The following CBLN2 variants were observed in gnomAD, a reference collection of about 807,000 sequenced individuals.
CBLN2 encodes cerebellin-2.
CBLN2 carries 7 observed loss-of-function variants against 15.0 expected under a neutral mutation model. The ratio of observed to expected loss-of-function variants is 0.47; its 90% CI spans 0.27 to 0.88. The LOEUF (loss-of-function observed/expected upper bound fraction) is 0.88. Ranked by LOEUF, CBLN2 falls within the 40% of genes least tolerant of loss-of-function variation. The pLI is 0.14. For missense variants in CBLN2, 242 were observed against 304.5 expected, an observed-to-expected ratio of 0.79 and a Z score of 1.53; for synonymous variants, 149 against 135.2, an observed-to-expected ratio of 1.10 and a Z score of -0.71.
intron 1 of CBLN2, chr18:72,618,166 T>C (rs1371772193): frequency 1.7e-5 from 3 of 172,534 alleles, no homozygotes; most frequent in Non-Finnish European, 3.7e-5. Context: ...AAACAGGCTA[T>C]AAAAGTTTCC....
rs2069121479 is a variant in CBLN2 at position 72,542,264 on chromosome 18, C to T, written c.-104G>A. The T allele has an allele frequency of 2.9e-6, 2 of 682,986 alleles. No individual in the cohort carries two copies. The highest frequency in any genetic ancestry group is 3.9e-6 in the Non-Finnish European group (2 of 514,912). 42.3% of individuals were successfully genotyped at this position (682,986 alleles called of 1,614,324 possible). ...CGGAGCTCGCAGCAGCCTCCGGGGG[C>T]CTTCGTCCCCGGCTCTGACGTTCAA... On this transcript the variant is annotated 5_prime_UTR_variant, in exon 3 of 5. Transcript: ENST00000269503.
intron 1 of CBLN2, among the ~76,000 whole-genome samples, chr18:72,602,195 A>G (rs1191258804): frequency 6.6e-6 from 1 of 152,140 alleles, no homozygotes; most frequent in Admixed American, 6.5e-5. Flanking sequence ...TTCTTGTGGA[A>G]ACACTATTCA....
At chr18:72,593,400 G>C (rs547132410) in intron 1 of CBLN2, among the ~76,000 whole-genome samples, 1 of 152,010 alleles carries the variant, frequency 6.6e-6, no homozygotes, top group Admixed American at 6.6e-5. Context: ...GTTCTAACAG[G>C]GTTTTTTGGT....
At chr18:72,561,601 C>A (rs2069262026) in intron 1 of CBLN2, among the ~76,000 whole-genome samples, 1 of 152,092 alleles carries the variant, frequency 6.6e-6, no homozygotes, top group Non-Finnish European at 1.5e-5. Flanking sequence ...TTAACTTGCA[C>A]CAGGAGTAAT....
At chr18:72,598,970 C>T (rs1367598990) in intron 1 of CBLN2, among the ~76,000 whole-genome samples, 1 of 152,180 alleles carries the variant, frequency 6.6e-6, no homozygotes, top group Admixed American at 6.5e-5. Context: ...GCCTTTCCTA[C>T]CGTCTTTAGT....
intron 1 of CBLN2, among the ~76,000 whole-genome samples, chr18:72,594,348 G>A (rs889105258): frequency 6.6e-6 from 1 of 151,976 alleles, no homozygotes; most frequent in Non-Finnish European, 1.5e-5. Flanking sequence ...TTGTCAAGAT[G>A]AATGATCTTT....
chr18:72,638,413 C>G (rs2069827949), exon 1 of CBLN2: 3 of 398,354 alleles, frequency 7.5e-6, no homozygotes, highest in Non-Finnish European at 1.3e-5. Context: ...CAATTCATTT[C>G]TCTTTTATAT....
At chr18:72,627,645 A>G (rs1387219896) in intron 1 of CBLN2, among the ~76,000 whole-genome samples, 1 of 152,258 alleles carries the variant, frequency 6.6e-6, no homozygotes, top group Non-Finnish European at 1.5e-5. Flanking sequence ...TGTATTTATA[A>G]CAAGAGAATA....
rs1391525077 is a variant in CBLN2, at chr18:72,543,236, A to G, written c.-167+250T>C. The G allele has an allele frequency of 8.7e-6, 3 of 345,114 alleles. No homozygotes were observed. The East Asian group carries it at 1.3e-4, about 15-fold the overall frequency. 21.4% of individuals were successfully genotyped at this position (345,114 alleles called of 1,614,324 possible). ...AAAGCAGACAGGCCATTTCAATACC[A>G]GCCCAGAGACACGCAGAGAAGCCGC... On this transcript the variant is annotated intron_variant, in intron 2 of 4. Transcript: ENST00000269503. This position sits in a 1 kb window ranked among gnomAD's most constrained non-coding sequence, Gnocchi z 6.8.
chr18:72,633,689 T>G (rs2069792201), intron 1 of CBLN2, among the ~76,000 whole-genome samples: 1 of 152,198 alleles, frequency 6.6e-6, no homozygotes, highest in African/African-American at 2.4e-5. Flanking sequence ...TCTGTTTTGT[T>G]GATTCAGCTT....
chr18:72,581,324 A>G (rs577782865), intron 1 of CBLN2, among the ~76,000 whole-genome samples: 1 of 152,220 alleles, frequency 6.6e-6, no homozygotes, highest in East Asian at 1.9e-4. Context: ...TTCTGCAATG[A>G]TTATAACAAT....
chr18:72,542,106 G>T lies in CBLN2; in HGVS notation c.55C>A (p.Arg19=), dbSNP rs754928999. Residue 19 remains arginine, a synonymous_variant, in exon 3 of 5, where the codon CGG becomes AGG. Coordinates refer to ENST00000269503, the MANE Select transcript of CBLN2 (RefSeq NM_182511.4). The part of the protein sequence containing the change: ...LGLRLMMPGR[R]GALREPGGCG... ...CCGCCCGGCTCGCGCAGCGCCCCCC[G>T]GCGCCCGGGCATCATCAGCCGCAGC... 9 of 1,456,428 alleles carry T rather than the reference G, an allele frequency of 6.2e-6. No homozygotes were observed. Among genetic ancestry groups the T allele is most frequent in the Non-Finnish European group, 8.1e-6 (9 of 1,114,688 alleles). 90.2% of individuals were successfully genotyped at this position (1,456,428 alleles called of 1,614,324 possible).
intron 1 of CBLN2, among the ~76,000 whole-genome samples, chr18:72,577,634 G>T (rs2069376519): frequency 6.6e-6 from 1 of 152,180 alleles, no homozygotes; most frequent in Non-Finnish European, 1.5e-5. Flanking sequence ...GTCTCCATGG[G>T]CAAGAGCCAG....
At chr18:72,554,213 A>C (rs1291161051) in intron 1 of CBLN2, among the ~76,000 whole-genome samples, 1 of 152,120 alleles carries the variant, frequency 6.6e-6, no homozygotes, top group Non-Finnish European at 1.5e-5. Flanking sequence ...CTCTGATTAA[A>C]GCAGTCAAAT....
chr18:72,575,978 C>G (rs1383607724), intron 1 of CBLN2, among the ~76,000 whole-genome samples: 1 of 152,116 alleles, frequency 6.6e-6, no homozygotes. Context: ...AAACCTGAAC[C>G]CAATCCTTCC....
At chr18:72,582,776 G>A (rs796362284) in intron 1 of CBLN2, among the ~76,000 whole-genome samples, 1 of 152,280 alleles carries the variant, frequency 6.6e-6, no homozygotes, top group African/African-American at 2.4e-5. Flanking sequence ...TGTGGATCAT[G>A]CTCAGATTAA....
At chr18:72,587,388 T>A (rs1223711001) in intron 1 of CBLN2, among the ~76,000 whole-genome samples, 1 of 152,242 alleles carries the variant, frequency 6.6e-6, no homozygotes, top group East Asian at 1.9e-4. Context: ...ATAAATTTTT[T>A]AAAAGAAAGA....
chr18:72,542,580 G>C (rs940071746), intron 2 of CBLN2, among the ~76,000 whole-genome samples: 1 of 152,074 alleles, frequency 6.6e-6, no homozygotes, highest in Non-Finnish European at 1.5e-5. Flanking sequence ...GCTTCTGCAG[G>C]TCCTCGTCGC....
At chr18:72,541,738 C>T in intron 3 of CBLN2, 66 bp downstream of exon 3, 2 of 1,351,112 alleles carry the variant, frequency 1.5e-6, no homozygotes, top group Non-Finnish European at 2.0e-6. Flanking sequence ...TGAACCCCAG[C>T]CCGCGCGCGC....
Sources: allele counts gnomAD v4.1 joint callset (sites outside exome capture counted in the v4.1 genomes callset), GRCh38; gene constraint gnomAD v4.1.1; non-coding constraint Gnocchi (gnomAD v3.1); transcripts MANE v1.5; gene names NCBI Gene and HGNC (gene_info 2026-07-23, HGNC 2026-07-21).